Variants in POFUT1 observed in about 807,000 individuals in gnomAD.
The protein encoded by POFUT1 is protein O-fucosyltransferase 1.
A neutral mutation model predicts 42.4 loss-of-function variants in POFUT1; 16 were observed. That is an observed-to-expected ratio of 0.38 (90% CI 0.26 to 0.57). The LOEUF is 0.57. Among genes scored for constraint, POFUT1 ranks in the 20% least tolerant of loss-of-function variants. POFUT1 has a pLI of 0.71. For missense variants in POFUT1, 470 were observed against 504.6 expected (o/e 0.93, Z 0.66); for synonymous variants, 206 against 205.4 (o/e 1.00, Z -0.03).
chr20:32,211,366 C>T (rs759686630), intron 2 of POFUT1, among the ~76,000 whole-genome samples: 49 of 151,962 alleles, frequency 3.2e-4, no homozygotes, highest in Non-Finnish European at 6.2e-4. Context: ...TTCTGCCTCC[C>T]GGGTTCAAGC....
chr20:32,208,101 A>C lies in POFUT1; in HGVS notation c.124+36A>C, dbSNP rs2047303546. 3 of 1,530,320 alleles carry C rather than the reference A, an allele frequency of 2.0e-6. No individual in the cohort carries two copies. In the East Asian group the frequency reaches 7.5e-5, roughly 38 times the overall value. 94.8% of individuals were successfully genotyped at this position (1,530,320 alleles called of 1,614,324 possible). A position where few individuals can be genotyped will look rare whatever the true frequency, so the allele number is the denominator to read the frequency against. ...CCAAGCCCTCTGCTCAGATGGAGAA[A>C]CTGAGGCCGGGAGAGGAAAAGCCAC... On this transcript the variant is annotated intron_variant, in intron 1 of 6. Transcript: ENST00000375749.
chr20:32,216,881 C>A, intron 4 of POFUT1, 160 bp downstream of exon 4: 1 of 1,517,640 alleles, frequency 6.6e-7, no homozygotes, highest in Non-Finnish European at 8.9e-7. Context: ...GTGATCTGTT[C>A]CCATGTCCAC....
intron 2 of POFUT1, 97 bp downstream of exon 2, chr20:32,210,289 C>A: frequency 1.6e-6 from 2 of 1,256,276 alleles, no homozygotes; most frequent in South Asian, 1.2e-5. Flanking sequence ...ACCTCCCACT[C>A]CTCTGAGATT....
intron 1 of POFUT1, among the ~76,000 whole-genome samples, chr20:32,209,803 G>T (rs992155042): frequency 6.6e-6 from 1 of 152,218 alleles, no homozygotes; most frequent in Non-Finnish European, 1.5e-5. Flanking sequence ...GGGACAGCAA[G>T]ATCAGAGGCA....
At chr20:32,226,482 TTCTG>T (rs1161943228) in intron 4 of POFUT1, among the ~76,000 whole-genome samples, 1 of 143,348 alleles carries the variant, frequency 7.0e-6, no homozygotes, top group Non-Finnish European at 1.5e-5. Context: ...GTGTGTGTAT[TTCTG>T]TGCAGTTTTA....
chr20:32,228,597 C>T, intron 5 of POFUT1, 142 bp downstream of exon 5: 4 of 646,912 alleles, frequency 6.2e-6, no homozygotes, highest in Middle Eastern at 4.3e-4. Context: ...CCCATCATCC[C>T]ACTGCAGCAC....
chr20:32,208,722 C>T (rs1409120287), intron 1 of POFUT1, among the ~76,000 whole-genome samples: 1 of 149,538 alleles, frequency 6.7e-6, no homozygotes. Context: ...ATCTGGGCGG[C>T]TACTTGGGAG....
intron 5 of POFUT1, among the ~76,000 whole-genome samples, chr20:32,230,431 A>G (rs1208548578): frequency 6.8e-6 from 1 of 148,054 alleles, no homozygotes; most frequent in Non-Finnish European, 1.5e-5. Context: ...ACGGCTGCTC[A>G]TGCCTGTAAT....
intron 4 of POFUT1, 171 bp downstream of exon 4, chr20:32,216,892 GC>G: frequency 6.5e-7 from 1 of 1,537,224 alleles, no homozygotes; most frequent in Non-Finnish European, 8.8e-7. Flanking sequence ...CCATGTCCAC[GC>G]CTGACACGGT....
chr20:32,216,988 G>A (rs1397569021), intron 4 of POFUT1: 4 of 1,612,478 alleles, frequency 2.5e-6, no homozygotes, highest in African/African-American at 2.7e-5. Context: ...AGTCGCATGA[G>A]TCTCAATTTC....
At chr20:32,232,034 G>A (rs995822791) in intron 6 of POFUT1, among the ~76,000 whole-genome samples, 1 of 152,202 alleles carries the variant, frequency 6.6e-6, no homozygotes, top group African/African-American at 2.4e-5. Context: ...CGTAAATGCT[G>A]TGCAGGCCTT....
chr20:32,232,727 G>GT (rs1303150779), intron 6 of POFUT1, among the ~76,000 whole-genome samples: 7 of 151,966 alleles, frequency 4.6e-5, no homozygotes, highest in African/African-American at 7.3e-5. Flanking sequence ...GTCCCAGGGA[G>GT]TTTTTTTGTG....
chr20:32,218,870 T>C (rs2047376376), intron 4 of POFUT1, among the ~76,000 whole-genome samples: 1 of 152,234 alleles, frequency 6.6e-6, no homozygotes, highest in South Asian at 2.1e-4. Context: ...ACTTGTTTAT[T>C]GCCCCATAGC....
chr20:32,223,683 G>A lies in POFUT1; in HGVS notation c.543-4580G>A, dbSNP rs1175389026. 6.1e-6 allele frequency: 6 copies of A among 985,312 alleles called. No individual in the cohort carries two copies. In the African/African-American group the frequency reaches 8.7e-5, roughly 14 times the overall value. The allele number at this position is 985,312 out of a possible 1,614,324, so 61.0% of individuals were successfully genotyped here. A position where few individuals can be genotyped will look rare whatever the true frequency, so the allele number is the denominator to read the frequency against. On this transcript the variant is annotated intron_variant, in intron 4 of 6. Coordinates refer to ENST00000375749, the MANE Select transcript of POFUT1 (RefSeq NM_015352.2). ...TTCTCTAACCCCTGACAGCCTGATC[G>A]GGTCTTTCTGGTGAGGTCCCCAAAT...
intron 4 of POFUT1, among the ~76,000 whole-genome samples, chr20:32,226,171 G>T (rs1409429272): frequency 1.3e-5 from 2 of 152,208 alleles, no homozygotes; most frequent in South Asian, 4.1e-4. Context: ...GCTGATTTGG[G>T]TCATGGGTAT....
At chr20:32,233,642 T>C (rs1600395759) in intron 6 of POFUT1, among the ~76,000 whole-genome samples, 1 of 152,096 alleles carries the variant, frequency 6.6e-6, no homozygotes, top group Non-Finnish European at 1.5e-5. Context: ...GCTGTTGCAG[T>C]CCATCAGGCA....
At chr20:32,213,903 G>C (rs1402014728) in intron 2 of POFUT1, among the ~76,000 whole-genome samples, 2 of 152,154 alleles carry the variant, frequency 1.3e-5, no homozygotes, top group Admixed American at 6.6e-5. Context: ...AAGCGTTACA[G>C]ATAAAGTTGG....
chr20:32,229,860 C>T (rs2047433210), intron 5 of POFUT1, among the ~76,000 whole-genome samples: 1 of 151,766 alleles, frequency 6.6e-6, no homozygotes, highest in Non-Finnish European at 1.5e-5. Flanking sequence ...CCGCATCCTC[C>T]ACCTTCTGGG....
chr20:32,234,601 G>C lies in POFUT1; in HGVS notation c.1107G>C (p.Gln369His). ...TTGTGAAGCGGGAGCGGGACCTCCA[G>C]GGGAGGCCGTCTTCTTTCTTCGGCA... ...TAFVKRERDL[Q>H]GRPSSFFGMD... Residue 369 changes from glutamine (Q) to histidine (H), a missense_variant, in exon 7 of 7, where the codon CAG becomes CAC. By Grantham distance (24) the Gln-to-His change is conservative. Coordinates refer to ENST00000375749, the MANE Select transcript of POFUT1 (RefSeq NM_015352.2). 6.2e-7 allele frequency: 1 copy of C among 1,614,074 alleles called. No homozygotes were observed. The highest frequency in any genetic ancestry group is 8.5e-7 in the Non-Finnish European group (1 of 1,179,964).
Sources: gnomAD v4.1 joint callset for allele counts (sites outside exome capture counted in the v4.1 genomes callset) on GRCh38, gnomAD v4.1.1 for gene constraint, MANE v1.5 for transcripts, NCBI Gene and HGNC (gene_info 2026-07-23, HGNC 2026-07-21) for gene names.